The following FILIP1 variants were observed in gnomAD, a reference collection of about 807,000 sequenced individuals.
The protein encoded by FILIP1 is filamin-A-interacting protein 1.
In FILIP1, 61 loss-of-function variants were observed where a neutral mutation model predicts 102.1. The observed-to-expected ratio is 0.60, with a 90% CI of 0.49 to 0.74. FILIP1 has a LOEUF of 0.74. Among genes scored for constraint, FILIP1 ranks in the 30% least tolerant of loss-of-function variants. The probability of loss-of-function intolerance (pLI) is 0.00; values close to 1 mark genes in which losing one functional copy is unlikely to be tolerated. For synonymous variants in FILIP1, 491 were observed against 526.9 expected, an observed-to-expected ratio of 0.93 and a Z score of 0.93; for missense variants, 1,314 against 1,441.2, an observed-to-expected ratio of 0.91 and a Z score of 1.43.
chr6:75,304,617 G>A (rs1051435181), downstream of FILIP1, among the ~76,000 whole-genome samples: 27 of 152,124 alleles, frequency 1.8e-4, no homozygotes, highest in Admixed American at 1.5e-3. Flanking sequence ...GGGAAAATGA[G>A]AAAAAGGAAA....
chr6:75,408,091 C>T (rs1277783456), intron 2 of FILIP1, among the ~76,000 whole-genome samples: 1 of 152,150 alleles, frequency 6.6e-6, no homozygotes, highest in Non-Finnish European at 1.5e-5. Flanking sequence ...TTATTACTTT[C>T]AGTTTAAACT....
intron 4 of FILIP1, among the ~76,000 whole-genome samples, chr6:75,347,233 T>A (rs1326962213): frequency 2.0e-5 from 3 of 152,216 alleles, no homozygotes; most frequent in African/African-American, 7.2e-5. Context: ...GCAAGTGTCC[T>A]TGGGGGAAGG....
rs1248593499 is a variant in FILIP1 at position 75,451,399 on chromosome 6, T to A, written c.-6-36421A>T. 2.0e-5 allele frequency among the ~76,000 whole-genome samples: 3 copies of A among 151,652 alleles called. No individual in the cohort carries two copies. In the East Asian group the frequency reaches 5.8e-4, roughly 29 times the overall value. On this transcript the variant is annotated intron_variant, in intron 1 of 5. Transcript: ENST00000237172. ...TATATAGAAAAATAGGCAAAAGGTA[T>A]CAACAGGTGATTCCCAAAGAAGATA...
intron 1 of FILIP1, among the ~76,000 whole-genome samples, chr6:75,457,067 T>G (rs1037933688): frequency 1.3e-5 from 2 of 152,220 alleles, no homozygotes; most frequent in African/African-American, 4.8e-5. Flanking sequence ...TTACTATCTA[T>G]GAGCACTGCA....
chr6:75,363,751 A>T (rs1004149412), intron 2 of FILIP1, among the ~76,000 whole-genome samples: 2 of 152,188 alleles, frequency 1.3e-5, no homozygotes, highest in Admixed American at 1.3e-4. Flanking sequence ...ACATTTGCTG[A>T]ATGTATTTCC....
At chr6:75,367,877 A>G (rs946474563) in intron 2 of FILIP1, among the ~76,000 whole-genome samples, 55 of 152,360 alleles carry the variant, frequency 3.6e-4, no homozygotes, top group African/African-American at 1.3e-3. Flanking sequence ...AAATGTAAGA[A>G]AACTTCTGTT....
At chr6:75,405,087 T>C (rs1428176717) in intron 2 of FILIP1, among the ~76,000 whole-genome samples, 2 of 152,176 alleles carry the variant, frequency 1.3e-5, no homozygotes, top group African/African-American at 4.8e-5. Context: ...ATAGGAAATG[T>C]CCCCATTAGA....
intron 2 of FILIP1, among the ~76,000 whole-genome samples, chr6:75,397,224 A>C (rs1486419112): frequency 6.6e-6 from 1 of 151,940 alleles, no homozygotes; most frequent in Non-Finnish European, 1.5e-5. Flanking sequence ...TCAGTACCCA[A>C]CATAAAGTAC....
intron 4 of FILIP1, among the ~76,000 whole-genome samples, chr6:75,323,526 C>T (rs1318470976): frequency 2.0e-5 from 3 of 152,072 alleles, no homozygotes; most frequent in Non-Finnish European, 4.4e-5. Flanking sequence ...GAGGTGGAAG[C>T]ACAGGTGGGG....
chr6:75,327,472 C>T (rs1198524808), intron 4 of FILIP1, among the ~76,000 whole-genome samples: 2 of 151,044 alleles, frequency 1.3e-5, no homozygotes, highest in African/African-American at 2.4e-5. Context: ...GAAGGAGAAA[C>T]GGGAAAGTGA....
In FILIP1 at chr6:75,312,752, G is replaced by T; in HGVS notation, c.3080C>A (p.Ser1027Tyr). The change falls in exon 5 of 6, where the codon TCC becomes TAC. Residue 1027 changes from serine to tyrosine, a missense_variant. Ser to Tyr is a moderately radical substitution (Grantham distance 144). Coordinates refer to ENST00000237172, the MANE Select transcript of FILIP1 (RefSeq NM_015687.5). Reference sequence around the variant, plus strand: ...TGTCCGTCCCATGGGCATTTCCTGGGATTCGGGAGAAACTGCAATCTCAGC... The same window carrying T: ...TGTCCGTCCCATGGGCATTTCCTGGTATTCGGGAGAAACTGCAATCTCAGC... ...APAEIAVSPE[S>Y]QEMPMGRTIL... 1 of 1,614,178 alleles carries T rather than the reference G, an allele frequency of 6.2e-7. No individual in the cohort carries two copies. The highest frequency in any genetic ancestry group is 8.5e-7 in the Non-Finnish European group (1 of 1,180,052).
At chr6:75,401,399 G>C (rs1159817861) in intron 2 of FILIP1, among the ~76,000 whole-genome samples, 1 of 152,084 alleles carries the variant, frequency 6.6e-6, no homozygotes, top group Non-Finnish European at 1.5e-5. Context: ...TATTTTCTAA[G>C]AGAATCTCCT....
chr6:75,319,830 CCAAAAAAA>C lies in FILIP1; in HGVS notation c.630-4636_630-4629del, dbSNP rs1459204404. The C allele has an allele frequency of 1.8e-5, 6 of 335,036 alleles. No individual in the cohort carries two copies. The Admixed American group carries it at 2.2e-4, about 13-fold the overall frequency. 20.8% of individuals were successfully genotyped at this position (335,036 alleles called of 1,614,324 possible). On this transcript the variant is annotated intron_variant, in intron 4 of 5. Coordinates refer to ENST00000237172, the MANE Select transcript of FILIP1 (RefSeq NM_015687.5). ...GGGCAACAGAGCAAGACTCCGTCCC[CCAAAAAAA>C]AAAAGAAAAGAAAAGAAAACTCTGA...
In FILIP1 at chr6:75,350,861, C is replaced by T. The variant is rs556934095; in HGVS notation, c.629+2678G>A. On this transcript the variant is annotated intron_variant, in intron 4 of 5. Coordinates refer to ENST00000237172, the MANE Select transcript of FILIP1 (RefSeq NM_015687.5). ...TAATGAGAAATAATTCACACAGGTGCTCTTAGAATTATTTGATTTTCGATA... is the reference window on the plus strand; with the variant it reads ...TAATGAGAAATAATTCACACAGGTGTTCTTAGAATTATTTGATTTTCGATA... Among the ~76,000 whole-genome samples the T allele has an allele frequency of 1.2e-4, 19 of 152,276 alleles. 1 individual carries two copies. The South Asian group carries it at 3.3e-3, about 27-fold the overall frequency.
chr6:75,492,066 G>A (rs963471655), intron 1 of FILIP1, among the ~76,000 whole-genome samples: 4 of 152,110 alleles, frequency 2.6e-5, no homozygotes, highest in Non-Finnish European at 4.4e-5. Flanking sequence ...AGCACCAGGA[G>A]TTTCAGTCTC....
chr6:75,331,717 C>T (rs376091232), intron 4 of FILIP1, among the ~76,000 whole-genome samples: 19 of 152,218 alleles, frequency 1.2e-4, no homozygotes, highest in African/African-American at 4.1e-4. Context: ...TGCCATGCTG[C>T]GACTCTATTT....
chr6:75,315,356 G>C (rs1773408597), intron 4 of FILIP1, among the ~76,000 whole-genome samples, 154 bp from the exon 5 acceptor site: 1 of 152,088 alleles, frequency 6.6e-6, no homozygotes, highest in Non-Finnish European at 1.5e-5. Context: ...GAAATGAATG[G>C]GAAGTCAAAA....
chr6:75,314,482 G>A lies in FILIP1; in HGVS notation c.1350C>T (p.Thr450=), dbSNP rs773696946. Residue 450 remains threonine, a synonymous_variant, in exon 5 of 6, where the codon ACC becomes ACT. Coordinates refer to ENST00000237172, the MANE Select transcript of FILIP1 (RefSeq NM_015687.5). ...CTTTCTCCAGATTTAAATGTAGCTG[G>A]GTGCACTCAGATTTACTCTTGCTAA... ...EAFSKSKSEC[T]QLHLNLEKEK... is the part of the protein sequence containing the mutation. The A allele has an allele frequency of 3.1e-6, 5 of 1,603,752 alleles. No individual in the cohort carries two copies. The highest frequency in any genetic ancestry group is 1.7e-6 in the Non-Finnish European group (2 of 1,177,356).
At chr6:75,430,663 T>C (rs1210005362) in intron 1 of FILIP1, among the ~76,000 whole-genome samples, 1 of 152,234 alleles carries the variant, frequency 6.6e-6, no homozygotes, top group Admixed American at 6.5e-5. Context: ...AGTGGTCTCA[T>C]ATCTGAGGAT....
Sources: allele counts gnomAD v4.1 joint callset (sites outside exome capture counted in the v4.1 genomes callset), GRCh38; gene constraint gnomAD v4.1.1; transcripts MANE v1.5; gene names NCBI Gene and HGNC (gene_info 2026-07-23, HGNC 2026-07-21).